Variants in GPD2 observed in about 807,000 individuals in gnomAD.
The protein encoded by GPD2 is glycerol-3-phosphate dehydrogenase 2.
In GPD2, 54 loss-of-function variants were observed where a neutral mutation model predicts 82.4. The ratio of observed to expected loss-of-function variants is 0.66; its 90% CI spans 0.53 to 0.82. The LOEUF (loss-of-function observed/expected upper bound fraction) is 0.82, where lower values mean the gene tolerates loss of function less well. GPD2 is among the 40% of genes least tolerant of loss of function. The pLI is 0.00. For synonymous variants in GPD2, 288 were observed against 306.1 expected (o/e 0.94, Z 0.62); for missense variants, 748 against 896.2 (o/e 0.83, Z 2.11).
At chr2:156,405,412 G>A in the GPD2 span, among the ~76,000 whole-genome samples, 1 of 152,186 alleles carries the variant, frequency 6.6e-6, no homozygotes, top group African/African-American at 2.4e-5. Context: ...ATGCAAAAAT[G>A]TGGAAATGGA....
At chr2:156,426,905 G>C in the GPD2 span, among the ~76,000 whole-genome samples, 1 of 152,176 alleles carries the variant, frequency 6.6e-6, no homozygotes, top group Admixed American at 6.5e-5. Flanking sequence ...TGCAGATTGG[G>C]CTTTCCAGAG....
At chr2:156,418,122 G>A in the GPD2 span, among the ~76,000 whole-genome samples, 1 of 152,172 alleles carries the variant, frequency 6.6e-6, no homozygotes, top group Non-Finnish European at 1.5e-5. Context: ...GGCTGAGGCA[G>A]GAGAATTGCT....
the GPD2 span, among the ~76,000 whole-genome samples, chr2:156,403,251 G>A: frequency 4.6e-5 from 7 of 152,006 alleles, no homozygotes; most frequent in Middle Eastern, 3.4e-3. Context: ...CTAGCCCAAG[G>A]AACAAATGTG....
rs374697800 is a variant in GPD2 at position 156,536,401 on chromosome 2, T to C, written c.662-13207T>C. Among the ~76,000 whole-genome samples, 56 of 152,374 alleles carry C rather than the reference T, an allele frequency of 3.7e-4. 2 individuals carry two copies. In the South Asian group the frequency reaches 0.012, roughly 32 times the overall value. ...GGTTCTTAATTAGAATTCAACATTGTTGACATGTAAATTGTGACCAGATGA... is the reference window on the plus strand; with the variant it reads ...GGTTCTTAATTAGAATTCAACATTGCTGACATGTAAATTGTGACCAGATGA... On this transcript the variant is annotated intron_variant, in intron 6 of 16. Coordinates refer to ENST00000438166, the MANE Select transcript of GPD2 (RefSeq NM_000408.5).
chr2:156,528,880 A>G (rs1685720656), intron 6 of GPD2, among the ~76,000 whole-genome samples: 1 of 152,182 alleles, frequency 6.6e-6, no homozygotes, highest in African/African-American at 2.4e-5. Flanking sequence ...GCTATCGTGA[A>G]TAATGCCGCA....
At chr2:156,455,587 G>A (rs1400375336) in intron 1 of GPD2, among the ~76,000 whole-genome samples, 2 of 152,154 alleles carry the variant, frequency 1.3e-5, no homozygotes, top group African/African-American at 4.8e-5. Context: ...TGAAAATGAT[G>A]TGTTGTCTTA....
At chr2:156,524,863 G>A (rs867329701) in intron 6 of GPD2, among the ~76,000 whole-genome samples, 38 of 152,286 alleles carry the variant, frequency 2.5e-4, no homozygotes, top group African/African-American at 8.9e-4. Flanking sequence ...TCCATCACAA[G>A]TCTGTTTACC....
chr2:156,498,021 C>T (rs1049497737), intron 3 of GPD2, among the ~76,000 whole-genome samples: 1 of 152,090 alleles, frequency 6.6e-6, no homozygotes, highest in Non-Finnish European at 1.5e-5. Flanking sequence ...TTTGGAACTA[C>T]CCCTCCAAGA....
rs2105386027 is a variant in GPD2 at position 156,583,663 on chromosome 2, T to C, written c.*745T>C. The C allele has an allele frequency of 6.5e-6, 1 of 152,710 alleles. No homozygotes were observed. The highest frequency in any genetic ancestry group is 1.9e-4 in the East Asian group (1 of 5,176). The allele number at this position is 152,710 out of a possible 1,614,324, so 9.5% of individuals were successfully genotyped here. Reference sequence around the variant, plus strand: ...TAGTTTCATCTCAGCAGTTCATTTTTTTCTTCAGTCACTGCTGGTTTTCTT... The same window carrying C: ...TAGTTTCATCTCAGCAGTTCATTTTCTTCTTCAGTCACTGCTGGTTTTCTT... On this transcript the variant is annotated 3_prime_UTR_variant, in exon 17 of 17. Transcript: ENST00000438166.
In GPD2 at chr2:156,496,046, G is replaced by C. The variant is rs771911363; in HGVS notation, c.105G>C (p.Met35Ile). 6.2e-7 allele frequency: 1 copy of C among 1,610,678 alleles called. No homozygotes were observed. Among genetic ancestry groups the C allele is most frequent in the Non-Finnish European group, 8.5e-7 (1 of 1,177,592 alleles). The part of the protein sequence containing the change: ...SQFAHYRRKQ[M>I]NLAYVKAADC... Reference sequence around the variant, plus strand: ...AAAGTGATCTGCTTTTACATCAGATGAACCTGGCCTATGTTAAAGCAGCAG... The same window carrying C: ...AAAGTGATCTGCTTTTACATCAGATCAACCTGGCCTATGTTAAAGCAGCAG... Residue 35 changes from methionine (M) to isoleucine (I), a missense_variant and splice_region_variant, in exon 3 of 17, where the codon ATG becomes ATC. By Grantham distance (10) the Met-to-Ile change is conservative. Coordinates refer to ENST00000438166, the MANE Select transcript of GPD2 (RefSeq NM_000408.5).
At chr2:156,426,125 G>A in the GPD2 span, among the ~76,000 whole-genome samples, 40 of 151,920 alleles carry the variant, frequency 2.6e-4, no homozygotes, top group Non-Finnish European at 2.2e-4. Context: ...GGGTTTCACC[G>A]TTTTAGCCGG....
chr2:156,559,165 TG>T (rs1377304634), intron 9 of GPD2, among the ~76,000 whole-genome samples: 1 of 152,200 alleles, frequency 6.6e-6, no homozygotes, highest in East Asian at 1.9e-4. Context: ...TCCTGTGGGA[TG>T]TTGGTCATAT....
chr2:156,545,439 A>C (rs551880873), intron 6 of GPD2, among the ~76,000 whole-genome samples: 1 of 152,318 alleles, frequency 6.6e-6, no homozygotes, highest in Admixed American at 6.5e-5. Flanking sequence ...AGTCAAAGTG[A>C]TTGCTCAAGA....
At chr2:156,450,408 T>A (rs1451138281) in intron 1 of GPD2, among the ~76,000 whole-genome samples, 1 of 152,166 alleles carries the variant, frequency 6.6e-6, no homozygotes, top group African/African-American at 2.4e-5. Context: ...AGCAGGCCAT[T>A]GAGCAACTAT....
the GPD2 span, among the ~76,000 whole-genome samples, chr2:156,412,193 T>C: frequency 0.013 from 1,909 of 152,262 alleles, 28 homozygotes; most frequent in African/African-American, 0.033. Context: ...CACAGCACTT[T>C]GGGAGGCTAA....
chr2:156,405,184 C>G, the GPD2 span, among the ~76,000 whole-genome samples: 1 of 152,164 alleles, frequency 6.6e-6, no homozygotes, highest in Admixed American at 6.5e-5. Context: ...AAAAATTACT[C>G]TAGGAATCTA....
intron 6 of GPD2, among the ~76,000 whole-genome samples, chr2:156,517,078 A>G (rs906328169): frequency 1.3e-5 from 2 of 152,254 alleles, no homozygotes; most frequent in Non-Finnish European, 2.9e-5. Flanking sequence ...GTTCTCCCAC[A>G]GAAGTTCATA....
rs72907916 is a variant in GPD2 at position 156,585,158 on chromosome 2, A to G, written c.*2240A>G. 0.014 allele frequency: 2,184 copies of G among 152,356 alleles called. 38 individuals are homozygous for G. The highest frequency in any genetic ancestry group is 0.021 in the Non-Finnish European group (1,407 of 67,934). The allele number at this position is 152,356 out of a possible 1,614,324, so 9.4% of individuals were successfully genotyped here. ...GATTTCAAGCCGTTACTGTGAATAA[A>G]GCACCCCAGCATTTTGTATAAGCTC... On this transcript the variant is annotated 3_prime_UTR_variant, in exon 17 of 17. Transcript: ENST00000438166.
rs112619045 is a variant in GPD2 at position 156,570,007 on chromosome 2, T to C, written c.1477-80T>C. 54 of 1,199,612 alleles carry C rather than the reference T, an allele frequency of 4.5e-5. 3 individuals carry two copies. Among genetic ancestry groups the C allele is most frequent in the African/African-American group, 4.2e-4 (28 of 66,968 alleles). The allele number at this position is 1,199,612 out of a possible 1,614,324, so 74.3% of individuals were successfully genotyped here. A position where few individuals can be genotyped will look rare whatever the true frequency, so the allele number is the denominator to read the frequency against. On this transcript the variant is annotated intron_variant, in intron 11 of 16. Transcript: ENST00000438166. ...ACAGGCTGTAAGAAAACTGACAAGA[T>C]AAGCATGTGTGCTTTTTGCTTTGTG... is the stretch of plus-strand genomic sequence containing the variant.
Sources: gnomAD v4.1 joint callset for allele counts (sites outside exome capture counted in the v4.1 genomes callset) on GRCh38, gnomAD v4.1.1 for gene constraint, MANE v1.5 for transcripts, NCBI Gene and HGNC (gene_info 2026-07-23, HGNC 2026-07-21) for gene names.